The following DNAJC5B variants were observed in gnomAD, a reference collection of about 807,000 sequenced individuals.
The protein encoded by DNAJC5B is dnaJ homolog subfamily C member 5B.
DNAJC5B carries 23 observed loss-of-function variants against 24.7 expected under a neutral mutation model. The ratio of observed to expected loss-of-function variants is 0.93; its 90% CI spans 0.67 to 1.32. The LOEUF (loss-of-function observed/expected upper bound fraction) is 1.32. Among genes scored for constraint, DNAJC5B ranks in the 40% most tolerant of loss-of-function variants. The pLI is 0.00. For missense variants in DNAJC5B, 238 were observed against 240.8 expected, an observed-to-expected ratio of 0.99 and a Z score of 0.08; for synonymous variants, 101 against 90.1, an observed-to-expected ratio of 1.12 and a Z score of -0.68.
chr8:66,020,640 G>A (rs919584244), upstream of DNAJC5B, among the ~76,000 whole-genome samples: 3 of 111,166 alleles, frequency 2.7e-5, no homozygotes, highest in African/African-American at 1.0e-4. Context: ...GTGTGTGTGT[G>A]TGTGTGTGTG....
intron 1 of DNAJC5B, among the ~76,000 whole-genome samples, chr8:66,035,114 T>C (rs999978435): frequency 3.9e-5 from 6 of 152,166 alleles, no homozygotes; most frequent in Admixed American, 3.9e-4. Context: ...AAGCCAGGTG[T>C]TATGTTGATA....
chr8:66,029,475 C>T (rs142187474), intron 1 of DNAJC5B, among the ~76,000 whole-genome samples: 16 of 152,174 alleles, frequency 1.1e-4, no homozygotes, highest in Non-Finnish European at 2.2e-4. Flanking sequence ...GATCAATGGG[C>T]AAGTTTGAAG....
At chr8:66,033,525 T>C (rs938332457) in intron 1 of DNAJC5B, among the ~76,000 whole-genome samples, 1 of 152,198 alleles carries the variant, frequency 6.6e-6, no homozygotes, top group Non-Finnish European at 1.5e-5. Context: ...TTCTTCTCCA[T>C]GACATCTTGG....
At chr8:66,093,996 G>C (rs1807899811) in intron 5 of DNAJC5B, among the ~76,000 whole-genome samples, 1 of 151,918 alleles carries the variant, frequency 6.6e-6, no homozygotes, top group African/African-American at 2.4e-5. Context: ...TAAACATTAA[G>C]TTTCAATAGA....
intron 2 of DNAJC5B, among the ~76,000 whole-genome samples, chr8:66,043,884 T>C (rs1336167978): frequency 1.3e-5 from 2 of 149,616 alleles, no homozygotes; most frequent in Non-Finnish European, 2.9e-5. Flanking sequence ...TGGAGTACAG[T>C]GGCGCCATCT....
intron 4 of DNAJC5B, among the ~76,000 whole-genome samples, chr8:66,079,741 CG>C (rs1220755186): frequency 6.6e-6 from 1 of 152,140 alleles, no homozygotes; most frequent in Non-Finnish European, 1.5e-5. Flanking sequence ...ATCAGCAATG[CG>C]CAGCATGGAT....
intron 1 of DNAJC5B, among the ~76,000 whole-genome samples, chr8:66,033,253 A>G (rs1360893903): frequency 2.6e-5 from 4 of 152,266 alleles, no homozygotes; most frequent in Non-Finnish European, 5.9e-5. Context: ...GCCTCCATGT[A>G]CAACCATGTG....
chr8:66,064,029 C>A (rs553334241), intron 3 of DNAJC5B, among the ~76,000 whole-genome samples: 1 of 152,156 alleles, frequency 6.6e-6, no homozygotes, highest in East Asian at 1.9e-4. Context: ...GGGGGTGAAA[C>A]AGGAAATCAG....
intron 1 of DNAJC5B, among the ~76,000 whole-genome samples, chr8:66,026,030 C>T (rs1193148834): frequency 3.6e-5 from 4 of 110,100 alleles, no homozygotes; most frequent in Admixed American, 8.4e-5. Flanking sequence ...GCCATTTTCA[C>T]GATATTGATT....
chr8:66,028,710 T>A (rs1806298608), intron 1 of DNAJC5B, among the ~76,000 whole-genome samples: 2 of 152,084 alleles, frequency 1.3e-5, no homozygotes, highest in South Asian at 4.1e-4. Flanking sequence ...ACCCATCACC[T>A]CAGCCAGTTC....
At position 66,076,575 on chromosome 8, in the gene DNAJC5B, T is replaced by A. The variant is rs1389837527; in HGVS notation, c.120-85T>A. Reference sequence around the variant, plus strand: ...ACAGTATTTGCGCTAATAAAGAATATACAAATGAACAGTGCCCTTCTAAAA... The same window carrying A: ...ACAGTATTTGCGCTAATAAAGAATAAACAAATGAACAGTGCCCTTCTAAAA... On this transcript the variant is annotated intron_variant, in intron 3 of 5. Coordinates refer to ENST00000276570, the MANE Select transcript of DNAJC5B (RefSeq NM_033105.6). 21 of 1,395,570 alleles carry A rather than the reference T, an allele frequency of 1.5e-5. No homozygotes were observed. The Middle Eastern group carries it at 7.2e-4, about 48-fold the overall frequency. The allele number at this position is 1,395,570 out of a possible 1,614,324, so 86.4% of individuals were successfully genotyped here. A position where few individuals can be genotyped will look rare whatever the true frequency, so the allele number is the denominator to read the frequency against.
chr8:66,040,366 G>T (rs1241187545), intron 1 of DNAJC5B, among the ~76,000 whole-genome samples: 1 of 150,216 alleles, frequency 6.7e-6, no homozygotes. Flanking sequence ...CTCCAGCTTG[G>T]CAACAGAGTG....
intron 4 of DNAJC5B, among the ~76,000 whole-genome samples, chr8:66,080,045 G>GT (rs1043907797): frequency 6.6e-6 from 1 of 152,074 alleles, no homozygotes; most frequent in Non-Finnish European, 1.5e-5. Context: ...TTGTTGGTTG[G>GT]TTTTTTGGTT....
intron 2 of DNAJC5B, among the ~76,000 whole-genome samples, chr8:66,046,757 G>A (rs993123560): frequency 3.3e-5 from 5 of 152,204 alleles, no homozygotes; most frequent in East Asian, 3.8e-4. Context: ...TGAACTTACC[G>A]TGGTCAAAAC....
At chr8:66,038,094 A>G (rs947912070) in intron 1 of DNAJC5B, among the ~76,000 whole-genome samples, 1 of 152,224 alleles carries the variant, frequency 6.6e-6, no homozygotes, top group African/African-American at 2.4e-5. Flanking sequence ...CTTTTTATTT[A>G]ACTGGGATCA....
At chr8:66,035,471 G>A (rs181920082) in intron 1 of DNAJC5B, among the ~76,000 whole-genome samples, 4 of 152,296 alleles carry the variant, frequency 2.6e-5, no homozygotes, top group Non-Finnish European at 4.4e-5. Flanking sequence ...AAAAGGAGAA[G>A]AGATACAGAG....
chr8:66,076,552 A>T lies in DNAJC5B; in HGVS notation c.120-108A>T, dbSNP rs554709883. On this transcript the variant is annotated intron_variant, in intron 3 of 5. Coordinates refer to ENST00000276570, the MANE Select transcript of DNAJC5B (RefSeq NM_033105.6). ...GCTAGTCTGAAACTCACCATTTCAC[A>T]GTATTTGCGCTAATAAAGAATATAC... is the stretch of plus-strand genomic sequence containing the variant. 1.0e-5 allele frequency: 12 copies of T among 1,156,440 alleles called. No homozygotes were observed. The East Asian group carries it at 2.6e-4, about 25-fold the overall frequency. The allele number at this position is 1,156,440 out of a possible 1,614,324, so 71.6% of individuals were successfully genotyped here.
chr8:66,033,205 G>A (rs1806397566), intron 1 of DNAJC5B, among the ~76,000 whole-genome samples: 1 of 152,256 alleles, frequency 6.6e-6, no homozygotes, highest in Non-Finnish European at 1.5e-5. Context: ...AGGCTGGCCT[G>A]GGGCCACACA....
At chr8:66,089,224 T>G (rs1807793866) in intron 5 of DNAJC5B, among the ~76,000 whole-genome samples, 1 of 152,172 alleles carries the variant, frequency 6.6e-6, no homozygotes, top group African/African-American at 2.4e-5. Flanking sequence ...AGTGCCTCAC[T>G]TTTAACCTAA....
Sources: gnomAD v4.1 joint callset for allele counts (sites outside exome capture counted in the v4.1 genomes callset) on GRCh38, gnomAD v4.1.1 for gene constraint, MANE v1.5 for transcripts, NCBI Gene and HGNC (gene_info 2026-07-23, HGNC 2026-07-21) for gene names.